Variants in VRK1 observed in about 807,000 individuals in gnomAD.
VRK1 encodes VRK serine/threonine kinase 1, also known as serine/threonine-protein kinase VRK1.
VRK1 carries 33 observed loss-of-function variants against 57.1 expected under a neutral mutation model. That is an observed-to-expected ratio of 0.58 (90% confidence interval 0.44 to 0.77). The LOEUF is 0.77. Among genes scored for constraint, VRK1 ranks in the 30% least tolerant of loss-of-function variants. The pLI is 0.00. For synonymous variants in VRK1, 137 were observed against 147.8 expected (o/e 0.93, Z 0.53); for missense variants, 413 against 477.3 (o/e 0.87, Z 1.25).
intron 11 of VRK1, among the ~76,000 whole-genome samples, chr14:96,874,209 C>T (rs1246495266): frequency 6.6e-6 from 1 of 152,146 alleles, no homozygotes. Context: ...TCTGAACAAA[C>T]AAAAGTGTCT....
At chr14:96,812,691 T>C (rs1886251447) in intron 1 of VRK1, among the ~76,000 whole-genome samples, 1 of 152,232 alleles carries the variant, frequency 6.6e-6, no homozygotes, top group Non-Finnish European at 1.5e-5. Flanking sequence ...GTTCAGAGAC[T>C]GTTCGTTCTG....
At position 96,868,944 on chromosome 14, in the gene VRK1, C is replaced by T. The variant is rs573790654; in HGVS notation, c.1069-7086C>T. ...CCAAGTAGCTGGGATTACAGGCATG[C>T]GCCACCACGCCTGGCTAATTTTGCA... On this transcript the variant is annotated intron_variant, in intron 11 of 12. Coordinates refer to ENST00000216639, the MANE Select transcript of VRK1 (RefSeq NM_003384.3). 5.3e-5 allele frequency among the ~76,000 whole-genome samples: 8 copies of T among 151,764 alleles called. 1 individual carries two copies. The highest frequency in any genetic ancestry group is 1.9e-4 in the East Asian group (1 of 5,132).
At position 96,837,865 on chromosome 14, in the gene VRK1, A is replaced by G. The variant is rs763841070; in HGVS notation, c.216+48A>G. 9.3e-6 allele frequency: 13 copies of G among 1,403,284 alleles called. No homozygotes were observed. In the South Asian group the frequency reaches 1.3e-4, roughly 14 times the overall value. The allele number at this position is 1,403,284 out of a possible 1,614,324, so 86.9% of individuals were successfully genotyped here. Reference sequence around the variant, plus strand: ...TGTTTCTTTTCTGTTGATTTGGTGTAGTATTTTGTAAAATGCCTTTTTTGA... The same window carrying G: ...TGTTTCTTTTCTGTTGATTTGGTGTGGTATTTTGTAAAATGCCTTTTTTGA... On this transcript the variant is annotated intron_variant, in intron 3 of 12. Coordinates refer to ENST00000216639, the MANE Select transcript of VRK1 (RefSeq NM_003384.3).
At chr14:96,875,926 A>G in intron 11 of VRK1, 104 bp from the exon 12 acceptor site, 1 of 1,221,682 alleles carries the variant, frequency 8.2e-7, no homozygotes, top group Non-Finnish European at 1.2e-6. Context: ...TGACACACCC[A>G]CACCTATATA....
chr14:96,833,657 TCAATC>T (rs1481390411), intron 2 of VRK1, 26 bp downstream of exon 2: 16 of 1,613,090 alleles, frequency 9.9e-6, no homozygotes, highest in Non-Finnish European at 1.3e-5. Context: ...CTTCTAATGA[TCAATC>T]CAAAGATTTA....
intron 11 of VRK1, among the ~76,000 whole-genome samples, chr14:96,872,532 T>A (rs563724000): frequency 6.6e-6 from 1 of 152,242 alleles, no homozygotes; most frequent in South Asian, 2.1e-4. Flanking sequence ...AAAAATACAT[T>A]AAGAACACAG....
chr14:96,831,154 A>G (rs373732869), intron 1 of VRK1, among the ~76,000 whole-genome samples: 1 of 152,210 alleles, frequency 6.6e-6, no homozygotes, highest in African/African-American at 2.4e-5. Context: ...TATCAGAGGC[A>G]CCATACTTTC....
At chr14:96,874,746 A>G (rs969639337) in intron 11 of VRK1, among the ~76,000 whole-genome samples, 5 of 152,218 alleles carry the variant, frequency 3.3e-5, no homozygotes, top group African/African-American at 1.2e-4. Context: ...TAATACATAG[A>G]TAATAACAGT....
At position 96,802,418 on chromosome 14, in the gene VRK1, A is replaced by G. The variant is rs1198908886; in HGVS notation, c.-6+4971A>G. Among the ~76,000 whole-genome samples, 4 of 152,256 alleles carry G rather than the reference A, an allele frequency of 2.6e-5. No individual in the cohort carries two copies. In the East Asian group the frequency reaches 7.7e-4, roughly 29 times the overall value. On this transcript the variant is annotated intron_variant, in intron 1 of 12. Coordinates refer to ENST00000216639, the MANE Select transcript of VRK1 (RefSeq NM_003384.3). The stretch of plus-strand genomic sequence containing the variant: ...GATAGTCTTGCGGTAGAACACCACC[A>G]TCAAAAAAAGAAACAAACTGTTGGT...
intron 11 of VRK1, among the ~76,000 whole-genome samples, chr14:96,868,547 C>T (rs1171669222): frequency 6.6e-6 from 1 of 152,050 alleles, no homozygotes; most frequent in Non-Finnish European, 1.5e-5. Context: ...AGCCCCATGA[C>T]CAGCTTTTGC....
intron 11 of VRK1, among the ~76,000 whole-genome samples, chr14:96,869,182 TA>T (rs772517734): frequency 4.6e-5 from 7 of 152,196 alleles, no homozygotes; most frequent in Non-Finnish European, 1.0e-4. Flanking sequence ...TTATGAGGAA[TA>T]AAAGATATAA....
In VRK1 at chr14:96,835,498, G is replaced by A. The variant is rs568918869; in HGVS notation, c.160+1867G>A. Among the ~76,000 whole-genome samples the A allele has an allele frequency of 5.3e-5, 8 of 152,050 alleles. No homozygotes were observed. In the South Asian group the frequency reaches 1.2e-3, roughly 24 times the overall value. ...AGGCTTCTCCTGCTGTCTCTTTACC[G>A]TTGATTTCCCTGTCTTTTATCTGTA... On this transcript the variant is annotated intron_variant, in intron 2 of 12. Transcript: ENST00000216639.
At chr14:96,815,922 A>G (rs1886374649) in intron 1 of VRK1, among the ~76,000 whole-genome samples, 1 of 152,074 alleles carries the variant, frequency 6.6e-6, no homozygotes, top group Non-Finnish European at 1.5e-5. Context: ...TGTCCACTCA[A>G]AAAACCTAGA....
intron 1 of VRK1, among the ~76,000 whole-genome samples, chr14:96,820,975 G>A (rs1886576329): frequency 6.6e-6 from 1 of 152,070 alleles, no homozygotes; most frequent in Admixed American, 6.5e-5. Flanking sequence ...TCCCTACCAT[G>A]AACCCTAGAG....
intron 1 of VRK1, among the ~76,000 whole-genome samples, chr14:96,804,117 A>T (rs192442663): frequency 6.6e-6 from 1 of 151,908 alleles, no homozygotes; most frequent in Admixed American, 6.6e-5. Flanking sequence ...GGTTGTTCTC[A>T]TTTTTTCTTC....
intron 1 of VRK1, among the ~76,000 whole-genome samples, chr14:96,809,765 G>T (rs1379210074): frequency 1.3e-5 from 2 of 151,842 alleles, no homozygotes; most frequent in Non-Finnish European, 2.9e-5. Context: ...TAGAGACAGG[G>T]TTTCTCCATG....
intron 1 of VRK1, among the ~76,000 whole-genome samples, chr14:96,824,490 C>CA (rs1191212464): frequency 6.6e-6 from 1 of 151,708 alleles, no homozygotes; most frequent in East Asian, 1.9e-4. Flanking sequence ...GTGACCTCAG[C>CA]AAGGGTTATT....
Position 96,819,096 on chromosome 14 carries a change from G to T in VRK1, c.-5-14371G>T, listed in dbSNP as rs535981062. On this transcript the variant is annotated intron_variant, in intron 1 of 12. Transcript: ENST00000216639. Reference sequence around the variant, plus strand: ...GTTCTTTGTTGACTGACTATCTTTCGTTTGATTTTATTCTGACTTACTGTA... The same window carrying T: ...GTTCTTTGTTGACTGACTATCTTTCTTTTGATTTTATTCTGACTTACTGTA... Among the ~76,000 whole-genome samples the T allele has an allele frequency of 3.3e-5, 5 of 152,262 alleles. No individual in the cohort carries two copies. The South Asian group carries it at 1.0e-3, about 32-fold the overall frequency.
chr14:96,837,608 T>G (rs1030851503), intron 2 of VRK1, among the ~76,000 whole-genome samples, 154 bp from the exon 3 acceptor site: 1 of 152,178 alleles, frequency 6.6e-6, no homozygotes, highest in Non-Finnish European at 1.5e-5. Context: ...AATAAAAGTC[T>G]TAAAATTTAT....
Sources: allele counts gnomAD v4.1 joint callset (sites outside exome capture counted in the v4.1 genomes callset), GRCh38; gene constraint gnomAD v4.1.1; transcripts MANE v1.5; gene names NCBI Gene and HGNC (gene_info 2026-07-23, HGNC 2026-07-21).